The following COL25A1 variants were observed in gnomAD, a reference collection of about 807,000 sequenced individuals.
The protein encoded by COL25A1 is collagen alpha-1(XXV) chain.
Under a neutral mutation model 128.4 loss-of-function variants are expected in COL25A1, and 103 were observed. The observed-to-expected ratio is 0.80, with a 90% CI of 0.68 to 0.94. The LOEUF (loss-of-function observed/expected upper bound fraction) is 0.94. Ranked by LOEUF, COL25A1 falls within the 40% of genes least tolerant of loss-of-function variation. The pLI is 0.00. For synonymous variants in COL25A1, 279 were observed against 277.2 expected (o/e 1.01, Z -0.06); for missense variants, 745 against 840.0 (o/e 0.89, Z 1.40).
chr4:109,216,284 A>AGGAAGGAAGGAAGGAC (rs1777987929), intron 3 of COL25A1, among the ~76,000 whole-genome samples: 1 of 151,302 alleles, frequency 6.6e-6, no homozygotes, highest in Non-Finnish European at 1.5e-5. Context: ...GAAGGAAGGA[A>AGGAAGGAAGGAAGGAC]GGAAGGAAGG....
chr4:109,172,306 G>A (rs955038743), intron 3 of COL25A1, among the ~76,000 whole-genome samples: 3 of 152,050 alleles, frequency 2.0e-5, no homozygotes, highest in Admixed American at 6.6e-5. Context: ...ATTTAACCAA[G>A]CAGATACAAA....
intron 3 of COL25A1, among the ~76,000 whole-genome samples, chr4:109,151,937 C>T (rs993976090): frequency 5.3e-5 from 8 of 152,088 alleles, no homozygotes; most frequent in African/African-American, 1.9e-4. Flanking sequence ...AAGCTGATTG[C>T]TAAACTTCTA....
At chr4:109,026,495 G>C (rs190316179) in intron 5 of COL25A1, among the ~76,000 whole-genome samples, 1 of 152,300 alleles carries the variant, frequency 6.6e-6, no homozygotes, top group Admixed American at 6.5e-5. Context: ...GTGAACTCTG[G>C]TTATTAACGA....
At chr4:109,178,892 A>G (rs1308603951) in intron 3 of COL25A1, among the ~76,000 whole-genome samples, 1 of 151,476 alleles carries the variant, frequency 6.6e-6, no homozygotes, top group South Asian at 2.1e-4. Flanking sequence ...AATCTGCTTC[A>G]CATGAATTTT....
At chr4:109,192,898 T>C (rs774536340) in intron 3 of COL25A1, among the ~76,000 whole-genome samples, 2 of 149,664 alleles carry the variant, frequency 1.3e-5, no homozygotes, top group Non-Finnish European at 3.0e-5. Context: ...CACAGACACA[T>C]ACAGAAGGAG....
chr4:108,828,236 G>A (rs1732621968), intron 32 of COL25A1, among the ~76,000 whole-genome samples: 1 of 152,136 alleles, frequency 6.6e-6, no homozygotes, highest in South Asian at 2.1e-4. Flanking sequence ...CACCTCCCAG[G>A]TTCAAGCAAT....
chr4:108,852,930 T>C lies in COL25A1; in HGVS notation c.1321-5A>G. The C allele has an allele frequency of 5.0e-6, 8 of 1,609,508 alleles. No individual in the cohort carries two copies. Among genetic ancestry groups the C allele is most frequent in the Non-Finnish European group, 6.8e-6 (8 of 1,177,268 alleles). On this transcript the variant is annotated splice_region_variant and splice_polypyrimidine_tract_variant and intron_variant, in intron 24 of 37. Coordinates refer to ENST00000399132, the MANE Select transcript of COL25A1 (RefSeq NM_198721.4). ...GACAGTTAAGGTGGTAATCCTCTGT[T>C]GGGAAAATGTGTTGACAAAGACAGA...
intron 3 of COL25A1, among the ~76,000 whole-genome samples, chr4:109,064,901 T>C (rs1389108867): frequency 6.6e-6 from 1 of 152,112 alleles, no homozygotes; most frequent in Non-Finnish European, 1.5e-5. Flanking sequence ...CCAACAGACA[T>C]GCAGATCATT....
At chr4:109,012,513 C>G (rs956789292) in intron 5 of COL25A1, among the ~76,000 whole-genome samples, 1 of 152,136 alleles carries the variant, frequency 6.6e-6, no homozygotes, top group African/African-American at 2.4e-5. Context: ...GTGCAGCGCT[C>G]GTGGGCCAGC....
At chr4:109,001,564 A>G (rs1335308380) in intron 6 of COL25A1, among the ~76,000 whole-genome samples, 5 of 152,246 alleles carry the variant, frequency 3.3e-5, no homozygotes, top group Non-Finnish European at 7.3e-5. Flanking sequence ...AAGGGAATGC[A>G]GAGTTGAGGA....
intron 3 of COL25A1, among the ~76,000 whole-genome samples, chr4:109,140,478 T>C (rs1306602531): frequency 6.6e-6 from 1 of 152,108 alleles, no homozygotes; most frequent in Non-Finnish European, 1.5e-5. Flanking sequence ...AGAAAGTCAA[T>C]GGTAGCTTGA....
rs201818430 is a variant in COL25A1 at position 108,940,558 on chromosome 4, C to T, written c.653G>A (p.Arg218His). 48 of 1,613,668 alleles carry T rather than the reference C, an allele frequency of 3.0e-5. No homozygotes were observed. Among genetic ancestry groups the T allele is most frequent in the Middle Eastern group, 1.6e-4 (1 of 6,082 alleles). The change falls in exon 10 of 38, where the codon CGT becomes CAT. Residue 218 changes from arginine to histidine, a missense_variant. Coordinates refer to ENST00000399132, the MANE Select transcript of COL25A1 (RefSeq NM_198721.4). Reference protein sequence around the residue: ...PPGDTGKDGPRGMPGVPGEPG... With the variant: ...PPGDTGKDGPHGMPGVPGEPG... ...ACTCACGGGTACTCCTGGCATTCCA[C>T]GGGGGCCATCTTTCCCTGTGTCCCC...
At chr4:108,886,833 A>G (rs1334146753) in intron 18 of COL25A1, among the ~76,000 whole-genome samples, 1 of 152,040 alleles carries the variant, frequency 6.6e-6, no homozygotes, top group Non-Finnish European at 1.5e-5. Flanking sequence ...TTCACCCTCC[A>G]TTACAGGAGA....
chr4:109,047,873 C>T (rs1760591586), intron 5 of COL25A1, among the ~76,000 whole-genome samples: 1 of 151,762 alleles, frequency 6.6e-6, no homozygotes, highest in Non-Finnish European at 1.5e-5. Flanking sequence ...GCTGGGACTA[C>T]AGGCGCCCAC....
chr4:108,831,691 A>G (rs1468371639), intron 32 of COL25A1, among the ~76,000 whole-genome samples: 7 of 23,326 alleles, frequency 3.0e-4, no homozygotes, highest in African/African-American at 5.1e-4. Context: ...AGAGGGGGAG[A>G]GAGAGAGAGA....
intron 20 of COL25A1, among the ~76,000 whole-genome samples, chr4:108,866,752 C>T (rs972516806): frequency 6.6e-6 from 1 of 152,214 alleles, no homozygotes; most frequent in African/African-American, 2.4e-5. Context: ...CATGATGACA[C>T]TGAACCAACC....
In COL25A1 at chr4:109,225,599, G is replaced by A. The variant is rs570217397; in HGVS notation, c.367+74984C>T. ...ATTTGATACAGCAATTCTACTACTG[G>A]GTATATACCCCAAAGAAAAGAAATT... On this transcript the variant is annotated intron_variant, in intron 3 of 37. Coordinates refer to ENST00000399132, the MANE Select transcript of COL25A1 (RefSeq NM_198721.4). 2.6e-5 allele frequency among the ~76,000 whole-genome samples: 4 copies of A among 152,014 alleles called. No homozygotes were observed. In the South Asian group the frequency reaches 8.3e-4, roughly 32 times the overall value.
chr4:108,858,843 C>T (rs1467842932), intron 24 of COL25A1, among the ~76,000 whole-genome samples: 1 of 151,664 alleles, frequency 6.6e-6, no homozygotes, highest in African/African-American at 2.4e-5. Context: ...AGTAGAAGGT[C>T]AGAGAGACAA....
chr4:109,261,665 A>G (rs931150083), intron 3 of COL25A1, among the ~76,000 whole-genome samples: 34 of 151,880 alleles, frequency 2.2e-4, no homozygotes, highest in African/African-American at 7.5e-4. Context: ...ATAATAGTAT[A>G]GGCAAGTAAT....
Sources: gnomAD v4.1 joint callset for allele counts (sites outside exome capture counted in the v4.1 genomes callset) on GRCh38, gnomAD v4.1.1 for gene constraint, MANE v1.5 for transcripts, NCBI Gene and HGNC (gene_info 2026-07-23, HGNC 2026-07-21) for gene names.